The following NIBAN3 variants were observed in gnomAD, a reference collection of about 807,000 sequenced individuals.
The protein encoded by NIBAN3 is niban apoptosis regulator 3.
In NIBAN3, 66 loss-of-function variants were observed where a neutral mutation model predicts 76.4. That is an observed-to-expected ratio of 0.86 (90% CI 0.71 to 1.06). The LOEUF (loss-of-function observed/expected upper bound fraction) is 1.06. NIBAN3 is among the 50% of genes least tolerant of loss of function. NIBAN3 has a pLI of 0.00. For missense variants in NIBAN3, 808 were observed against 810.7 expected, an observed-to-expected ratio of 1.00 and a Z score of 0.04; for synonymous variants, 360 against 355.2, an observed-to-expected ratio of 1.01 and a Z score of -0.15.
chr19:17,555,532 G>T (rs1599772242), downstream of NIBAN3: 4 of 492,786 alleles, frequency 8.1e-6, no homozygotes, highest in East Asian at 2.7e-4. Context: ...CCTGGGTAGG[G>T]CTGCAGGTGA....
At chr19:17,530,670 GGC>G in intron 1 of NIBAN3, 83 bp from the exon 2 acceptor site, 16 of 1,374,028 alleles carry the variant, frequency 1.2e-5, no homozygotes, top group Non-Finnish European at 1.6e-5. Flanking sequence ...GCCCCCAGGT[GGC>G]TTCCCTGTCT....
At chr19:17,537,609 G>C (rs917935762) in intron 5 of NIBAN3, 66 bp downstream of exon 5, 2 of 1,453,616 alleles carry the variant, frequency 1.4e-6, no homozygotes, top group Non-Finnish European at 1.8e-6. Context: ...CTCAGCCTCT[G>C]TTGGCTCGGG....
Position 17,539,741 on chromosome 19 carries a change from G to C in NIBAN3, c.955G>C (p.Ala319Pro). 1 of 1,539,146 alleles carries C rather than the reference G, an allele frequency of 6.5e-7. No individual in the cohort carries two copies. The highest frequency in any genetic ancestry group is 8.7e-7 in the Non-Finnish European group (1 of 1,144,438). ...CGTGGACCAGCTGCTGCGGCAGCGG[G>C]CGCGTGTGGCGGGGCGGCTGAGGAG... ...PDVDQLLRQR[A>P]RVAGRLRTDI... Residue 319 changes from alanine (A) to proline (P), a missense_variant, in exon 8 of 15, where the codon GCG (alanine) becomes CCG (proline). Ala to Pro is a conservative substitution (Grantham distance 27, BLOSUM62 -1). Coordinates refer to ENST00000599164, the MANE Select transcript of NIBAN3 (RefSeq NM_001321827.2).
At chr19:17,539,877 CAG>C (rs2075909296) in intron 8 of NIBAN3, 112 bp downstream of exon 8, 1 of 686,630 alleles carries the variant, frequency 1.5e-6, no homozygotes, top group Non-Finnish European at 2.1e-6. Context: ...GGGGCGTGGT[CAG>C]AGAGGGGCGG....
At chr19:17,524,033 C>T (rs1204350245), upstream of NIBAN3, among the ~76,000 whole-genome samples, 1 of 152,044 alleles carries the variant, frequency 6.6e-6, no homozygotes, top group Non-Finnish European at 1.5e-5. Flanking sequence ...GTTCTACAGG[C>T]ACCCACCACC....
chr19:17,537,532 T>C lies in NIBAN3; in HGVS notation c.584T>C (p.Leu195Pro). 6.3e-7 allele frequency: 1 copy of C among 1,598,674 alleles called. No homozygotes were observed. The highest frequency in any genetic ancestry group is 8.5e-7 in the Non-Finnish European group (1 of 1,175,414). The change falls in exon 5 of 15, where the codon CTT becomes CCT. Residue 195 changes from leucine to proline, a missense_variant. By Grantham distance (98) the Leu-to-Pro change is moderately conservative. Coordinates refer to ENST00000599164, the MANE Select transcript of NIBAN3 (RefSeq NM_001321827.2). ...WRLALQGGIRLQGIVLQRSQA... is the reference protein window; with the variant it reads ...WRLALQGGIRPQGIVLQRSQA... ...CTGGCCCTGCAGGGTGGCATCCGGCTTCAGGGCATAGGTGGGTCTCAGGAC... is the reference window on the plus strand; with the variant it reads ...CTGGCCCTGCAGGGTGGCATCCGGCCTCAGGGCATAGGTGGGTCTCAGGAC...
intron 13 of NIBAN3, among the ~76,000 whole-genome samples, chr19:17,547,029 A>G (rs1015932047): frequency 2.0e-5 from 3 of 152,128 alleles, no homozygotes; most frequent in Admixed American, 1.3e-4. Flanking sequence ...AGGAGTTCTC[A>G]GGATGAGAAG....
At position 17,543,649 on chromosome 19, in the gene NIBAN3, G is replaced by C. The variant is rs751255794; in HGVS notation, c.1554+18G>C. 1.9e-6 allele frequency: 3 copies of C among 1,594,768 alleles called. No homozygotes were observed. In the South Asian group the frequency reaches 3.4e-5, roughly 18 times the overall value. On this transcript the variant is annotated intron_variant, in intron 12 of 14. Transcript: ENST00000599164. ...GCAAAAAGGTGAGTTAATGGGAAGT[G>C]TGCAAGAGGGTCTGACAGCATCACC...
At chr19:17,554,288 G>A (rs953646777), downstream of NIBAN3, among the ~76,000 whole-genome samples, 1 of 151,976 alleles carries the variant, frequency 6.6e-6, no homozygotes, top group African/African-American at 2.4e-5. Flanking sequence ...GAGAACAGCC[G>A]GGGCAACATA....
chr19:17,527,509 AAC>A, intron 1 of NIBAN3, 114 bp downstream of exon 1: 1 of 1,067,506 alleles, frequency 9.4e-7, no homozygotes, highest in Non-Finnish European at 1.3e-6. Context: ...GGGCTGTCAA[AAC>A]ACACAGGATG....
At chr19:17,537,589 G>A (rs1427802208) in intron 5 of NIBAN3, 46 bp downstream of exon 5, 5 of 1,505,460 alleles carry the variant, frequency 3.3e-6, no homozygotes, top group Non-Finnish European at 4.4e-6. Context: ...AATGGTCTGG[G>A]GTCAGATGGC....
intron 1 of NIBAN3, among the ~76,000 whole-genome samples, chr19:17,528,620 G>T (rs1406545792): frequency 6.6e-6 from 1 of 152,088 alleles, no homozygotes; most frequent in Non-Finnish European, 1.5e-5. Flanking sequence ...GTGCCATTCG[G>T]GTCCCTCTGT....
chr19:17,546,520 A>G lies in NIBAN3; in HGVS notation c.1555-166A>G, dbSNP rs996741154. 4.6e-5 allele frequency: 55 copies of G among 1,203,896 alleles called. No individual in the cohort carries two copies. In the African/African-American group the frequency reaches 8.1e-4, roughly 18 times the overall value. The allele number at this position is 1,203,896 out of a possible 1,614,324, so 74.6% of individuals were successfully genotyped here. A position where few individuals can be genotyped will look rare whatever the true frequency, so the allele number is the denominator to read the frequency against. ...ATGAGCCACCGCACCCGGCCTGTTT[A>G]TTTTAAAATAAAAATATTTAAAAAT... is the stretch of plus-strand genomic sequence containing the variant. On this transcript the variant is annotated intron_variant, in intron 12 of 14. Coordinates refer to ENST00000599164, the MANE Select transcript of NIBAN3 (RefSeq NM_001321827.2).
At chr19:17,533,281 G>T (rs918343540) in intron 3 of NIBAN3, among the ~76,000 whole-genome samples, 1 of 152,012 alleles carries the variant, frequency 6.6e-6, no homozygotes, top group Admixed American at 6.6e-5. Context: ...GTGGTGGCGG[G>T]TGCCTGTAAT....
At position 17,543,991 on chromosome 19, in the gene NIBAN3, C is replaced by CAA. The variant is rs11313110; in HGVS notation, c.1554+377_1554+378dup. The CAA allele has an allele frequency of 3.3e-4, 21 of 64,398 alleles. 2 individuals carry two copies. Among genetic ancestry groups the CAA allele is most frequent in the Non-Finnish European group, 4.7e-4 (13 of 27,466 alleles). The allele number at this position is 64,398 out of a possible 1,614,324, so 4.0% of individuals were successfully genotyped here. Reference sequence around the variant, plus strand: ...TGGGCGACAGAGTGAAACTCAGTCTCAAAAAAAAAAAAAAAAAAGAATGCT... The same window carrying CAA: ...TGGGCGACAGAGTGAAACTCAGTCTCAAAAAAAAAAAAAAAAAAAAGAATGCT... On this transcript the variant is annotated intron_variant, in intron 12 of 14. Transcript: ENST00000599164.
chr19:17,551,302 C>T (rs549917377), intron 14 of NIBAN3, among the ~76,000 whole-genome samples: 1 of 151,472 alleles, frequency 6.6e-6, no homozygotes, highest in East Asian at 1.9e-4. Flanking sequence ...ACCATGTCGG[C>T]CAGGCTGATT....
At chr19:17,528,165 C>T (rs189201113) in intron 1 of NIBAN3, among the ~76,000 whole-genome samples, 24 of 152,098 alleles carry the variant, frequency 1.6e-4, no homozygotes, top group Middle Eastern at 3.4e-3. Context: ...AATCTTGGCT[C>T]ACTGCAACCT....
chr19:17,533,670 C>T lies in NIBAN3; in HGVS notation c.396C>T (p.Arg132=). 1 of 1,614,022 alleles carries T rather than the reference C, an allele frequency of 6.2e-7. No individual in the cohort carries two copies. The highest frequency in any genetic ancestry group is 8.5e-7 in the Non-Finnish European group (1 of 1,179,980). Residue 132 remains arginine, a synonymous_variant, in exon 4 of 15, where the codon CGC becomes CGT. Transcript: ENST00000599164. ...TLLTSQREYL[R]LLDALCPESL... The stretch of plus-strand genomic sequence containing the variant: ...TGACTTCCCAGCGAGAATATCTCCG[C>T]CTTTTGGATGCTCTCTGCCCTGAAT...
At chr19:17,553,869 AC>A (rs1356207188), downstream of NIBAN3, 15 of 164,334 alleles carry the variant, frequency 9.1e-5, no homozygotes, top group East Asian at 2.1e-3. Context: ...ATTTGTTTTT[AC>A]CTTTTTTTTT....
Sources: allele counts gnomAD v4.1 joint callset (sites outside exome capture counted in the v4.1 genomes callset), GRCh38; gene constraint gnomAD v4.1.1; transcripts MANE v1.5; gene names NCBI Gene and HGNC (gene_info 2026-07-23, HGNC 2026-07-21).